JARID2: variants seen among roughly 807,000 people sequenced by gnomAD.
JARID2 encodes the protein protein Jumonji.
A neutral mutation model predicts 125.6 loss-of-function variants in JARID2; 21 were observed. The ratio of observed to expected loss-of-function variants is 0.17; its 90% CI spans 0.12 to 0.24. JARID2 has a LOEUF of 0.24. Among genes scored for constraint, JARID2 ranks in the 10% least tolerant of loss-of-function variants. The probability of loss-of-function intolerance (pLI) is 1.00; values close to 1 mark genes in which losing one functional copy is unlikely to be tolerated. For missense variants in JARID2, 1,303 were observed against 1,639.6 expected (o/e 0.79, Z 3.55); for synonymous variants, 736 against 661.6 (o/e 1.11, Z -1.73).
chr6:15,427,934 C>G (rs1185134676), intron 3 of JARID2, among the ~76,000 whole-genome samples: 1 of 151,516 alleles, frequency 6.6e-6, no homozygotes, highest in East Asian at 1.9e-4. Context: ...CCTCACTTGA[C>G]TGCCTAGTGC....
intron 4 of JARID2, among the ~76,000 whole-genome samples, chr6:15,465,320 G>T (rs1381141565): frequency 8.5e-5 from 13 of 152,126 alleles, no homozygotes; most frequent in Admixed American, 8.5e-4. Context: ...GGGTTTGGTG[G>T]TGTGCACCTG....
chr6:15,428,845 G>T (rs548734260), intron 3 of JARID2, among the ~76,000 whole-genome samples: 1 of 150,406 alleles, frequency 6.6e-6, no homozygotes, highest in Non-Finnish European at 1.5e-5. Flanking sequence ...GGTAGAGGCC[G>T]CAGTGAGTTG....
At position 15,508,423 on chromosome 6, in the gene JARID2, G is replaced by A; in HGVS notation, c.2815G>A (p.Asp939Asn). 1 of 1,604,806 alleles carries A rather than the reference G, an allele frequency of 6.2e-7. No homozygotes were observed. The highest frequency in any genetic ancestry group is 8.5e-7 in the Non-Finnish European group (1 of 1,171,524). The change falls in exon 12 of 18, where the codon GAC (aspartate) becomes AAC (asparagine). Residue 939 changes from aspartate to asparagine, a missense_variant. Transcript: ENST00000341776. The stretch of plus-strand genomic sequence containing the variant: ...AGACCAAAATCACCTTCCATACATT[G>A]ACTACTTACACACTGGTGCTGACTG... ...SRDQNHLPYI[D>N]YLHTGADCIW...
chr6:15,487,316 G>T lies in JARID2; in HGVS notation c.680G>T (p.Gly227Val), dbSNP rs781648460. 5 of 1,613,956 alleles carry T rather than the reference G, an allele frequency of 3.1e-6. No homozygotes were observed. In the East Asian group the frequency reaches 6.7e-5, roughly 22 times the overall value. ...TCTCCTTCCTTTCTAGTTTTCAATG[G>T]TTCCAGCAGGTCAACACGGGAGAAG... ...KHVHNGHVFN[G>V]SSRSTREKEP... The change falls in exon 6 of 18, where the codon GGT becomes GTT. Residue 227 changes from glycine (G) to valine (V), a missense_variant. By Grantham distance (109) the Gly-to-Val change is moderately radical. Around this residue, in one of 11 missense-constraint regions of JARID2, gnomAD observed 651 missense variants for 581.6 expected, o/e 1.12. Coordinates refer to ENST00000341776, the MANE Select transcript of JARID2 (RefSeq NM_004973.4).
intron 1 of JARID2, among the ~76,000 whole-genome samples, chr6:15,317,070 C>T (rs763687039): frequency 6.6e-6 from 1 of 152,108 alleles, no homozygotes; most frequent in Non-Finnish European, 1.5e-5. Flanking sequence ...TGATTTTGTG[C>T]TTCTTGTCCC....
At chr6:15,472,705 A>G (rs114448997) in intron 5 of JARID2, among the ~76,000 whole-genome samples, 186 of 152,092 alleles carry the variant, frequency 1.2e-3, no homozygotes, top group African/African-American at 4.2e-3. Context: ...CTGTATTTAG[A>G]TCTGTCCAGA....
chr6:15,305,538 T>C (rs1761788915), intron 1 of JARID2, among the ~76,000 whole-genome samples: 1 of 152,238 alleles, frequency 6.6e-6, no homozygotes, highest in Non-Finnish European at 1.5e-5. Context: ...TGCTGTTTCT[T>C]TCTCTTCTTG....
chr6:15,283,117 T>C (rs1027878098), intron 1 of JARID2, among the ~76,000 whole-genome samples: 53 of 151,876 alleles, frequency 3.5e-4, no homozygotes, highest in Non-Finnish European at 6.8e-4. Context: ...TAGCTGGGAC[T>C]ACAGGCGCCC....
intron 1 of JARID2, among the ~76,000 whole-genome samples, chr6:15,307,477 C>A (rs550184169): frequency 5.9e-5 from 9 of 152,178 alleles, no homozygotes; most frequent in African/African-American, 2.2e-4. Context: ...CCTGTGACTC[C>A]CAAAGTTCTG....
Position 15,437,796 on chromosome 6 carries a change from C to CTT in JARID2, c.324-14209_324-14208insTT, listed in dbSNP as rs555996413. ...TCCAGCCTGGCAACAGAGTGAGACTCTGTCTCAAAAAAAAAAAGAAAGAAT... is the reference window on the plus strand; with the variant it reads ...TCCAGCCTGGCAACAGAGTGAGACTCTTTGTCTCAAAAAAAAAAAGAAAGAAT... On this transcript the variant is annotated intron_variant, in intron 3 of 17. Transcript: ENST00000341776. Among the ~76,000 whole-genome samples the CTT allele has an allele frequency of 6.3e-3, 947 of 150,558 alleles. 21 individuals are homozygous for CTT. Among genetic ancestry groups the CTT allele is most frequent in the Non-Finnish European group, 3.2e-3 (218 of 67,852 alleles).
intron 1 of JARID2, among the ~76,000 whole-genome samples, chr6:15,307,808 A>G (rs577090390): frequency 3.3e-5 from 5 of 152,336 alleles, no homozygotes; most frequent in African/African-American, 9.6e-5. Context: ...TCATTGCCCA[A>G]ATTTGCTAGG....
At chr6:15,414,624 G>T (rs554199512) in intron 3 of JARID2, among the ~76,000 whole-genome samples, 4 of 152,170 alleles carry the variant, frequency 2.6e-5, no homozygotes, top group African/African-American at 9.7e-5. Flanking sequence ...TTCAGAATCT[G>T]TCTGCTGTGT....
At chr6:15,351,380 G>A (rs980615748) in intron 1 of JARID2, among the ~76,000 whole-genome samples, 2 of 152,190 alleles carry the variant, frequency 1.3e-5, no homozygotes, top group Non-Finnish European at 2.9e-5. Context: ...GGTAGGGATT[G>A]CTGGATTAAA....
In JARID2 at chr6:15,513,306, A is replaced by G. The variant is rs1561918642; in HGVS notation, c.3334A>G (p.Ser1112Gly). The G allele has an allele frequency of 3.7e-6, 6 of 1,606,348 alleles. No individual in the cohort carries two copies. The highest frequency in any genetic ancestry group is 4.2e-6 in the Non-Finnish European group (5 of 1,177,246). ...AGLHSSARYG[S>G]HDGSSTVADG... The stretch of plus-strand genomic sequence containing the variant: ...CCTCCACTCCTCCGCACGCTATGGC[A>G]GCCACGATGGCAGCAGCACGGTGGC... Residue 1112 changes from serine to glycine, a missense_variant, in exon 16 of 18, where the codon AGC (serine) becomes GGC (glycine). Ser to Gly is a moderately conservative substitution (Grantham distance 56, BLOSUM62 0). Coordinates refer to ENST00000341776, the MANE Select transcript of JARID2 (RefSeq NM_004973.4).
At chr6:15,513,774 G>C (rs1191314333) in intron 16 of JARID2, among the ~76,000 whole-genome samples, 2 of 152,260 alleles carry the variant, frequency 1.3e-5, no homozygotes, top group Admixed American at 1.3e-4. Context: ...AGGCAGTGAG[G>C]GGCGGGTTTC....
chr6:15,469,464 G>T (rs1216855167), intron 5 of JARID2, among the ~76,000 whole-genome samples: 1 of 140,328 alleles, frequency 7.1e-6, no homozygotes, highest in South Asian at 2.4e-4. Context: ...ACGGAGTCTC[G>T]CTCTGTCGCC....
At chr6:15,467,924 C>T (rs1009983243) in intron 4 of JARID2, among the ~76,000 whole-genome samples, 16 of 152,150 alleles carry the variant, frequency 1.1e-4, no homozygotes, top group Non-Finnish European at 1.9e-4. Context: ...TCGGTTCCCC[C>T]GTTGGGAGGT....
At chr6:15,468,481 C>A in intron 4 of JARID2, 61 bp from the exon 5 acceptor site, 1 of 1,421,734 alleles carries the variant, frequency 7.0e-7, no homozygotes, top group Non-Finnish European at 9.4e-7. Flanking sequence ...TTGTGGTGTT[C>A]CTTCTGGAAA....
Position 15,327,528 on chromosome 6 carries a change from A to AGT in JARID2, c.46-46567_46-46566dup, listed in dbSNP as rs10577382. ...GCTGCCATCCCTTCCATTCTGGAAG[A>AGT]GTGTGTGTGTGTGTGTGTGTGTGCG... On this transcript the variant is annotated intron_variant, in intron 1 of 17. Transcript: ENST00000341776. Among the ~76,000 whole-genome samples the AGT allele has an allele frequency of 4.8e-3, 719 of 149,362 alleles. 5 individuals carry two copies. Among genetic ancestry groups the AGT allele is most frequent in the East Asian group, 0.028 (140 of 5,066 alleles).
Sources: allele counts gnomAD v4.1 joint callset (sites outside exome capture counted in the v4.1 genomes callset), GRCh38; gene constraint gnomAD v4.1.1; regional missense constraint gnomAD v4.1.1; transcripts MANE v1.5; gene names NCBI Gene and HGNC (gene_info 2026-07-23, HGNC 2026-07-21).